Variants in GRXCR2 observed in about 807,000 individuals in gnomAD.
GRXCR2 encodes glutaredoxin and cysteine rich domain containing 2.
In GRXCR2, 23 loss-of-function variants were observed where a neutral mutation model predicts 24.8. The ratio of observed to expected loss-of-function variants is 0.93; its 90% CI spans 0.67 to 1.32. The LOEUF (loss-of-function observed/expected upper bound fraction) is 1.32. Ranked by LOEUF, GRXCR2 falls within the 40% of genes most tolerant of loss-of-function variation. The pLI is 0.00. For missense variants in GRXCR2, 315 were observed against 303.4 expected, an observed-to-expected ratio of 1.04 and a Z score of -0.28; for synonymous variants, 130 against 116.1, an observed-to-expected ratio of 1.12 and a Z score of -0.77.
intron 1 of GRXCR2, among the ~76,000 whole-genome samples, chr5:145,870,998 G>A (rs1756521586): frequency 6.6e-6 from 1 of 152,098 alleles, no homozygotes; most frequent in Admixed American, 6.5e-5. Flanking sequence ...TTGAGCCCAG[G>A]AGTTTGAGAT....
In GRXCR2 at chr5:145,863,729, C is replaced by A. The variant is rs537029294; in HGVS notation, c.564+2772G>T. 3.2e-4 allele frequency among the ~76,000 whole-genome samples: 48 copies of A among 152,248 alleles called. 2 individuals carry two copies. The South Asian group carries it at 8.1e-3, about 26-fold the overall frequency. ...CCCAGGCTAGTTTCGAGCTCCTGGG[C>A]TCAAGGGATCTTCCCTCCTCTGCCT... On this transcript the variant is annotated intron_variant, in intron 2 of 2. Coordinates refer to ENST00000377976, the MANE Select transcript of GRXCR2 (RefSeq NM_001080516.2).
intron 2 of GRXCR2, among the ~76,000 whole-genome samples, chr5:145,912,231 G>T (rs527393307): frequency 6.6e-6 from 1 of 152,298 alleles, no homozygotes; most frequent in South Asian, 2.1e-4. Flanking sequence ...ACCCCACAGA[G>T]CCCAGAGTCC....
In GRXCR2 at chr5:145,858,912, A is replaced by T. The variant is rs896059898; in HGVS notation, c.*821T>A. ...ATCTATAAAATACCTGCAGTCCTTT[A>T]TGAAGAGATCATGGCTAGGTTCTAG... is the stretch of plus-strand genomic sequence containing the variant. On this transcript the variant is annotated 3_prime_UTR_variant, in exon 3 of 3. Coordinates refer to ENST00000377976, the MANE Select transcript of GRXCR2 (RefSeq NM_001080516.2). 1 of 152,184 alleles carries T rather than the reference A, an allele frequency of 6.6e-6. No individual in the cohort carries two copies. Among genetic ancestry groups the T allele is most frequent in the East Asian group, 1.9e-4 (1 of 5,202 alleles). 9.4% of individuals were successfully genotyped at this position (152,184 alleles called of 1,614,324 possible).
intron 2 of GRXCR2, among the ~76,000 whole-genome samples, chr5:145,899,433 A>G (rs1170603454): frequency 6.6e-6 from 1 of 152,208 alleles, no homozygotes; most frequent in African/African-American, 2.4e-5. Context: ...GGAATAAAAA[A>G]AGAGCTCAAA....
At chr5:145,858,360 T>C (rs532130566), downstream of GRXCR2, among the ~76,000 whole-genome samples, 1 of 147,442 alleles carries the variant, frequency 6.8e-6, no homozygotes, top group African/African-American at 2.5e-5. Context: ...ACATCCCTCC[T>C]TCCTCTAGTA....
In GRXCR2 at chr5:145,889,177, AAAGAAAGAAAGAAAGAAAG is replaced by A. The variant is rs1561683087; in HGVS notation, c.-69-22468_-69-22450del. Among the ~76,000 whole-genome samples, 180 of 86,366 alleles carry A rather than the reference AAAGAAAGAAAGAAAGAAAG, an allele frequency of 2.1e-3. 4 individuals are homozygous for A. The highest frequency in any genetic ancestry group is 7.4e-3 in the African/African-American group (170 of 23,078). The allele number at this position is 86,366 out of a possible 152,430, so 56.7% of individuals were successfully genotyped here. A position where few individuals can be genotyped will look rare whatever the true frequency, so the allele number is the denominator to read the frequency against. On this transcript the variant is annotated intron_variant, in intron 2 of 3. Transcript: ENST00000639411. ...GACCGAGACTCTGTCTCAAAAAAAGAAAGAAAGAAAGAAAGAAAGAAAGAAAGAAAGAAAGAAAGAAAGA... is the reference window on the plus strand; with the variant it reads ...GACCGAGACTCTGTCTCAAAAAAAGAAAAGAAAGAAAGAAAGAAAGAAAGA...
chr5:145,901,662 C>T (rs1028810098), intron 2 of GRXCR2, among the ~76,000 whole-genome samples: 3 of 152,074 alleles, frequency 2.0e-5, no homozygotes, highest in African/African-American at 7.2e-5. Flanking sequence ...GTGGATAGAG[C>T]AGGTCTCACT....
At chr5:145,927,952 A>G (rs1031243206) in intron 2 of GRXCR2, among the ~76,000 whole-genome samples, 3 of 152,246 alleles carry the variant, frequency 2.0e-5, no homozygotes, top group Non-Finnish European at 2.9e-5. Flanking sequence ...AACTACCATC[A>G]GAGTAAACAG....
At chr5:145,898,371 T>C (rs1280568074) in intron 2 of GRXCR2, among the ~76,000 whole-genome samples, 1 of 151,648 alleles carries the variant, frequency 6.6e-6, no homozygotes, top group East Asian at 1.9e-4. Flanking sequence ...AAGGAAAAGC[T>C]GGCACCACAT....
intron 2 of GRXCR2, among the ~76,000 whole-genome samples, chr5:145,893,649 T>A (rs1369180357): frequency 6.6e-6 from 1 of 152,140 alleles, no homozygotes; most frequent in Non-Finnish European, 1.5e-5. Flanking sequence ...CTGAGTGACC[T>A]ACAAAGAGAC....
upstream of GRXCR2, among the ~76,000 whole-genome samples, chr5:145,877,641 G>T (rs544094971): frequency 5.5e-4 from 84 of 152,340 alleles, 1 homozygote; most frequent in African/African-American, 2.0e-3. Flanking sequence ...CTCCCAAAGT[G>T]ATCAACGCAG....
chr5:145,865,378 G>C (rs1278309344), intron 2 of GRXCR2, among the ~76,000 whole-genome samples: 3 of 152,190 alleles, frequency 2.0e-5, no homozygotes, highest in Admixed American at 6.5e-5. Context: ...CCCCTGGTCT[G>C]AGCATGTCTG....
At chr5:145,901,608 G>C (rs550503215) in intron 2 of GRXCR2, among the ~76,000 whole-genome samples, 2 of 152,218 alleles carry the variant, frequency 1.3e-5, no homozygotes, top group South Asian at 4.1e-4. Context: ...AAGGGGATTG[G>C]GAGTACTAAA....
chr5:145,882,268 G>T (rs140465335), intron 2 of GRXCR2, among the ~76,000 whole-genome samples: 27 of 152,126 alleles, frequency 1.8e-4, no homozygotes, highest in Admixed American at 5.2e-4. Flanking sequence ...TGCAATCTAC[G>T]CATCTGACAA....
chr5:145,927,425 G>A (rs1012596173), intron 2 of GRXCR2, among the ~76,000 whole-genome samples: 2 of 152,184 alleles, frequency 1.3e-5, no homozygotes, highest in African/African-American at 2.4e-5. Context: ...TTTATTGAGA[G>A]TTTTTAGCAT....
intron 2 of GRXCR2, among the ~76,000 whole-genome samples, chr5:145,899,676 C>T (rs564458980): frequency 6.6e-6 from 1 of 152,160 alleles, no homozygotes; most frequent in Admixed American, 6.5e-5. Context: ...ACTCCCTATT[C>T]AATAAATAGT....
At chr5:145,865,981 TA>T (rs56827846) in intron 2 of GRXCR2, among the ~76,000 whole-genome samples, 2 of 122,248 alleles carry the variant, frequency 1.6e-5, no homozygotes, top group Admixed American at 8.4e-5. Flanking sequence ...CTATTAAAAA[TA>T]AAAAAAAATT....
chr5:145,923,106 T>C (rs1700917977), intron 2 of GRXCR2, among the ~76,000 whole-genome samples: 1 of 152,214 alleles, frequency 6.6e-6, no homozygotes, highest in African/African-American at 2.4e-5. Flanking sequence ...CCTGAAGTAC[T>C]TGGGGAAACA....
At chr5:145,888,179 G>A (rs970925837) in intron 2 of GRXCR2, among the ~76,000 whole-genome samples, 1 of 152,204 alleles carries the variant, frequency 6.6e-6, no homozygotes, top group African/African-American at 2.4e-5. Context: ...CCTGCAGGGA[G>A]GAGAGGGAAC....
Sources: gnomAD v4.1 joint callset for allele counts (sites outside exome capture counted in the v4.1 genomes callset) on GRCh38, gnomAD v4.1.1 for gene constraint, MANE v1.5 for transcripts, NCBI Gene and HGNC (gene_info 2026-07-23, HGNC 2026-07-21) for gene names.